SERPINB12: variants seen among roughly 807,000 people sequenced by gnomAD.
SERPINB12 encodes the protein serpin B12.
SERPINB12 carries 57 observed loss-of-function variants against 41.1 expected under a neutral mutation model. The ratio of observed to expected loss-of-function variants is 1.39; its 90% CI spans 1.12 to 1.73. The LOEUF is 1.73. SERPINB12 is among the 40% of genes most tolerant of loss of function. The pLI, the probability that SERPINB12 is intolerant of heterozygous loss-of-function variation, is 0.00. For synonymous variants in SERPINB12, 180 were observed against 181.3 expected, an observed-to-expected ratio of 0.99 and a Z score of 0.06; for missense variants, 536 against 501.9, an observed-to-expected ratio of 1.07 and a Z score of -0.65.
rs768114162 is a variant in SERPINB12, at chr18:63,568,711, G to A, written c.*1700G>A. Reference sequence around the variant, plus strand: ...GTCCTCCTCCCAGCTGCCACCAGTCGTTCAGTGTGGCCACGCAGTTTTTTT... The same window carrying A: ...GTCCTCCTCCCAGCTGCCACCAGTCATTCAGTGTGGCCACGCAGTTTTTTT... On this transcript the variant is annotated 3_prime_UTR_variant, in exon 8 of 8. Transcript: ENST00000382768. Among the ~76,000 whole-genome samples the A allele has an allele frequency of 5.9e-5, 9 of 152,104 alleles. No individual in the cohort carries two copies. Among genetic ancestry groups the A allele is most frequent in the African/African-American group, 1.2e-4 (5 of 41,418 alleles).
At chr18:63,556,745 G>A (rs1264686460) in intron 2 of SERPINB12, among the ~76,000 whole-genome samples, 1 of 152,190 alleles carries the variant, frequency 6.6e-6, no homozygotes, top group African/African-American at 2.4e-5. Context: ...AGTGGCTAGA[G>A]AGCTTGGTGT....
Position 63,566,628 on chromosome 18 carries a change from GA to G in SERPINB12, c.901del (p.Met301TrpfsTer152), listed in dbSNP as rs1568133508. On this transcript the variant is annotated frameshift_variant, in exon 8 of 8. Transcript: ENST00000382768. LOFTEE classifies it high-confidence loss of function. ...GTAGCTTGAAAGGAAAATCACCTAT[GA>G]AAAAATGGTGGCCTGGAGCAGCTCA... is the stretch of plus-strand genomic sequence containing the variant. ...LEELERKITY[E>X]KMVAWSSSEN... The G allele has an allele frequency of 6.2e-7, 1 of 1,608,120 alleles. No homozygotes were observed. Among genetic ancestry groups the G allele is most frequent in the South Asian group, 1.1e-5 (1 of 89,734 alleles).
intron 5 of SERPINB12, among the ~76,000 whole-genome samples, chr18:63,563,318 T>A (rs974680143): frequency 1.3e-5 from 2 of 152,248 alleles, no homozygotes; most frequent in Non-Finnish European, 2.9e-5. Flanking sequence ...TTCTTTGTTC[T>A]CAAGGGAGCT....
At chr18:63,540,970 G>T (rs552594438), upstream of SERPINB12, among the ~76,000 whole-genome samples, 1 of 152,252 alleles carries the variant, frequency 6.6e-6, no homozygotes, top group South Asian at 2.1e-4. Context: ...TGTGGATTTT[G>T]ATGGGCTTAC....
the SERPINB12 span, among the ~76,000 whole-genome samples, chr18:63,519,305 G>T: frequency 6.6e-6 from 1 of 152,182 alleles, no homozygotes; most frequent in East Asian, 1.9e-4. Context: ...CAGTGGCTCT[G>T]CAAAGTGCTT....
the SERPINB12 span, among the ~76,000 whole-genome samples, chr18:63,526,156 TA>T: frequency 6.6e-6 from 1 of 152,202 alleles, no homozygotes; most frequent in Non-Finnish European, 1.5e-5. Context: ...TTTAAACACT[TA>T]TTTTTTTCCT....
At chr18:63,520,646 C>T in the SERPINB12 span, among the ~76,000 whole-genome samples, 1 of 152,106 alleles carries the variant, frequency 6.6e-6, no homozygotes, top group African/African-American at 2.4e-5. Context: ...AAGGCATAAA[C>T]CAGGACAGTG....
the SERPINB12 span, among the ~76,000 whole-genome samples, chr18:63,530,409 T>C: frequency 6.6e-6 from 1 of 152,192 alleles, no homozygotes; most frequent in Admixed American, 6.6e-5. Context: ...TGCCACATGA[T>C]GCCCAGGTCT....
At chr18:63,542,057 A>T (rs1568123210), upstream of SERPINB12, among the ~76,000 whole-genome samples, 1 of 152,172 alleles carries the variant, frequency 6.6e-6, no homozygotes, top group South Asian at 2.1e-4. Context: ...GTTATAAATT[A>T]TGAACTCATG....
Position 63,568,076 on chromosome 18 carries a change from G to A in SERPINB12, c.*1065G>A, listed in dbSNP as rs1026856564. ...GACAACAGGCTTGAGCCTGGGCATG[G>A]TGTCCATAGCAATGCTTGTTGGCTG... On this transcript the variant is annotated 3_prime_UTR_variant, in exon 8 of 8. Transcript: ENST00000382768. 4.6e-5 allele frequency among the ~76,000 whole-genome samples: 7 copies of A among 152,232 alleles called. No homozygotes were observed. Among genetic ancestry groups the A allele is most frequent in the African/African-American group, 1.7e-4 (7 of 41,452 alleles).
At chr18:63,532,044 G>C in the SERPINB12 span, among the ~76,000 whole-genome samples, 4 of 152,202 alleles carry the variant, frequency 2.6e-5, no homozygotes, top group Admixed American at 2.6e-4. Flanking sequence ...CTTAGGAATA[G>C]TATCATTGTA....
At chr18:63,562,917 G>A (rs1164786001) in intron 5 of SERPINB12, among the ~76,000 whole-genome samples, 1 of 152,172 alleles carries the variant, frequency 6.6e-6, no homozygotes, top group Non-Finnish European at 1.5e-5. Flanking sequence ...GTAGGAAAGG[G>A]TGTATACTAA....
At chr18:63,521,431 G>A in the SERPINB12 span, among the ~76,000 whole-genome samples, 2 of 152,282 alleles carry the variant, frequency 1.3e-5, no homozygotes, top group South Asian at 4.1e-4. Context: ...CTAGGAGTCC[G>A]GGTCAAAATT....
the SERPINB12 span, among the ~76,000 whole-genome samples, chr18:63,527,228 A>G: frequency 6.6e-6 from 1 of 152,202 alleles, no homozygotes; most frequent in African/African-American, 2.4e-5. Context: ...GAAGCATTTT[A>G]TAAAAATGTA....
rs777313540 is a variant in SERPINB12 at position 63,564,121 on chromosome 18, G to T, written c.705+1G>T. 3 of 1,611,364 alleles carry T rather than the reference G, an allele frequency of 1.9e-6. No homozygotes were observed. The highest frequency in any genetic ancestry group is 1.3e-5 in the African/African-American group (1 of 74,774). ...GGATGCACCTTTCTGTCTAAATGCGGTAGTGTATCAGAACTCATGGTTTTC... is the reference window on the plus strand; with the variant it reads ...GGATGCACCTTTCTGTCTAAATGCGTTAGTGTATCAGAACTCATGGTTTTC... On this transcript the variant is annotated splice_donor_variant, in intron 6 of 7. Coordinates refer to ENST00000382768, the MANE Select transcript of SERPINB12 (RefSeq NM_001307928.2). LOFTEE classifies it high-confidence loss of function.
rs1314728894 is a variant in SERPINB12, at chr18:63,563,989, G to A, written c.574G>A (p.Glu192Lys). The change falls in exon 6 of 8, where the codon GAA (glutamate) becomes AAA (lysine). Residue 192 changes from glutamate to lysine, a missense_variant. Coordinates refer to ENST00000382768, the MANE Select transcript of SERPINB12 (RefSeq NM_001307928.2). ...VECQSQGKIK[E>K]LFSKDAINAE... ...GGATCTTTTTTTAGGTAAAATCAAG[G>A]AACTCTTCAGCAAGGACGCTATTAA... is the stretch of plus-strand genomic sequence containing the variant. 1.2e-6 allele frequency: 2 copies of A among 1,609,302 alleles called. No individual in the cohort carries two copies. The highest frequency in any genetic ancestry group is 1.7e-6 in the Non-Finnish European group (2 of 1,178,484).
At position 63,544,668 on chromosome 18, in the gene SERPINB12, A is replaced by G. The variant is rs142269278; in HGVS notation, c.-19+2176A>G. 5.2e-3 allele frequency among the ~76,000 whole-genome samples: 788 copies of G among 152,278 alleles called. 3 individuals carry two copies. The highest frequency in any genetic ancestry group is 0.018 in the African/African-American group (768 of 41,550). The stretch of plus-strand genomic sequence containing the variant: ...TCAATCCTGGAGATGTCAGTTTTGA[A>G]GCTGAAAGAACTAAGGGCTTTGGAT... On this transcript the variant is annotated intron_variant, in intron 1 of 7. Coordinates refer to ENST00000382768, the MANE Select transcript of SERPINB12 (RefSeq NM_001307928.2).
chr18:63,540,514 A>AT (rs904958336), upstream of SERPINB12, among the ~76,000 whole-genome samples: 88 of 152,270 alleles, frequency 5.8e-4, no homozygotes, highest in African/African-American at 2.0e-3. Flanking sequence ...ATGCTCATGC[A>AT]TTTTCTCCAG....
intron 2 of SERPINB12, among the ~76,000 whole-genome samples, chr18:63,556,971 C>T (rs1261661719): frequency 6.6e-6 from 1 of 152,198 alleles, no homozygotes; most frequent in African/African-American, 2.4e-5. Context: ...CCAAGAGACC[C>T]TTTTAAAACC....
Sources: allele counts gnomAD v4.1 joint callset (sites outside exome capture counted in the v4.1 genomes callset), GRCh38; gene constraint gnomAD v4.1.1; transcripts MANE v1.5; gene names NCBI Gene and HGNC (gene_info 2026-07-23, HGNC 2026-07-21).